SEMA3C: variants seen among roughly 807,000 people sequenced by gnomAD.
SEMA3C encodes the protein semaphorin 3C, also known as semaphorin-3C.
A neutral mutation model predicts 89.4 loss-of-function variants in SEMA3C; 47 were observed. The observed-to-expected ratio is 0.53, with a 90% CI of 0.42 to 0.67. The LOEUF (loss-of-function observed/expected upper bound fraction) is 0.67. Among genes scored for constraint, SEMA3C ranks in the 30% least tolerant of loss-of-function variants. SEMA3C has a pLI of 0.00. For synonymous variants in SEMA3C, 310 were observed against 320.2 expected (o/e 0.97, Z 0.34); for missense variants, 839 against 929.1 (o/e 0.90, Z 1.26).
chr7:80,892,456 G>C (rs1386014202), intron 2 of SEMA3C, among the ~76,000 whole-genome samples: 1 of 151,954 alleles, frequency 6.6e-6, no homozygotes. Flanking sequence ...TGATTAAGTT[G>C]TGTGTATATT....
chr7:80,912,427 AAC>A (rs1439544336), intron 2 of SEMA3C, among the ~76,000 whole-genome samples: 1 of 152,188 alleles, frequency 6.6e-6, no homozygotes, highest in Non-Finnish European at 1.5e-5. Flanking sequence ...TGTATTTTAT[AAC>A]AGTTTTTACC....
At chr7:80,896,621 T>C (rs73374877) in intron 2 of SEMA3C, among the ~76,000 whole-genome samples, 3 of 152,196 alleles carry the variant, frequency 2.0e-5, no homozygotes, top group African/African-American at 4.8e-5. Flanking sequence ...TCAGGTGGAA[T>C]AGGCTGTTTA....
intron 9 of SEMA3C, among the ~76,000 whole-genome samples, chr7:80,802,435 T>C (rs955954874): frequency 1.3e-5 from 2 of 152,152 alleles, no homozygotes; most frequent in Non-Finnish European, 2.9e-5. Flanking sequence ...CATTCATTCA[T>C]ATATTATGGT....
intron 15 of SEMA3C, among the ~76,000 whole-genome samples, chr7:80,752,429 G>A (rs1787956996): frequency 6.6e-6 from 1 of 152,030 alleles, no homozygotes; most frequent in Non-Finnish European, 1.5e-5. Context: ...GGCCAACACA[G>A]TAAAACCCCG....
intron 2 of SEMA3C, among the ~76,000 whole-genome samples, chr7:80,868,131 T>C (rs1047647666): frequency 6.6e-6 from 1 of 152,184 alleles, no homozygotes; most frequent in Non-Finnish European, 1.5e-5. Flanking sequence ...TAAGCAGGGA[T>C]TGCTGACTTC....
chr7:80,830,537 TACA>T (rs1157919098), intron 2 of SEMA3C, among the ~76,000 whole-genome samples: 1 of 152,156 alleles, frequency 6.6e-6, no homozygotes, highest in Admixed American at 6.6e-5. Context: ...TTACTGTTCA[TACA>T]ACAATAGTAA....
At chr7:80,761,522 A>G in intron 14 of SEMA3C, 94 bp downstream of exon 14, 1 of 683,744 alleles carries the variant, frequency 1.5e-6, no homozygotes, top group Non-Finnish European at 2.4e-6. Context: ...TTTTGTTAGT[A>G]CGATAACTAA....
rs1219933640 is a variant in SEMA3C at position 80,798,016 on chromosome 7, A to G, written c.1131+76T>C. On this transcript the variant is annotated intron_variant, in intron 11 of 17. Transcript: ENST00000265361. The stretch of plus-strand genomic sequence containing the variant: ...CCGTCTCAAAAAAAAACCCCAAAAA[A>G]CCCCACAGATATTCATTACCTGTTA... 3 of 1,452,168 alleles carry G rather than the reference A, an allele frequency of 2.1e-6. No homozygotes were observed. In the African/African-American group the frequency reaches 4.5e-5, roughly 22 times the overall value. The allele number at this position is 1,452,168 out of a possible 1,614,324, so 90.0% of individuals were successfully genotyped here.
At chr7:80,903,829 AC>A (rs1335143908) in intron 2 of SEMA3C, among the ~76,000 whole-genome samples, 1 of 152,092 alleles carries the variant, frequency 6.6e-6, no homozygotes, top group African/African-American at 2.4e-5. Flanking sequence ...AAGAGCCAGA[AC>A]CTGTTCCCAC....
intron 2 of SEMA3C, among the ~76,000 whole-genome samples, chr7:80,902,713 G>A (rs1343314084): frequency 6.6e-6 from 1 of 152,012 alleles, no homozygotes; most frequent in Non-Finnish European, 1.5e-5. Flanking sequence ...ATAATAGCAG[G>A]GGCAGTCTTG....
At chr7:80,908,604 C>T (rs1453039228) in intron 2 of SEMA3C, among the ~76,000 whole-genome samples, 1 of 152,222 alleles carries the variant, frequency 6.6e-6, no homozygotes, top group Admixed American at 6.5e-5. Context: ...CTTATTGATG[C>T]TTTACATATT....
chr7:80,788,475 C>G (rs1162007213), intron 12 of SEMA3C, among the ~76,000 whole-genome samples: 1 of 152,108 alleles, frequency 6.6e-6, no homozygotes, highest in African/African-American at 2.4e-5. Flanking sequence ...GGTTTCATCC[C>G]TAGAATTTTG....
intron 2 of SEMA3C, among the ~76,000 whole-genome samples, chr7:80,877,897 G>A (rs960064108): frequency 6.6e-6 from 1 of 152,114 alleles, no homozygotes; most frequent in African/African-American, 2.4e-5. Context: ...CTCCTCCCAG[G>A]TGATTCCACA....
At chr7:80,761,528 A>G (rs775096564) in intron 14 of SEMA3C, 88 bp downstream of exon 14, 41 of 722,464 alleles carry the variant, frequency 5.7e-5, no homozygotes, top group Non-Finnish European at 8.1e-5. Flanking sequence ...TAGTACGATA[A>G]CTAATTATTC....
chr7:80,807,049 A>G (rs1789358181), intron 6 of SEMA3C, among the ~76,000 whole-genome samples: 1 of 151,892 alleles, frequency 6.6e-6, no homozygotes, highest in African/African-American at 2.4e-5. Flanking sequence ...TTATAGGGAG[A>G]TAACAAAAAT....
intron 2 of SEMA3C, among the ~76,000 whole-genome samples, chr7:80,896,551 G>A (rs1184337047): frequency 6.6e-6 from 1 of 152,178 alleles, no homozygotes; most frequent in African/African-American, 2.4e-5. Context: ...AGATAACGTA[G>A]AAAGGGAAAC....
At chr7:80,874,075 C>A (rs1376983979) in intron 2 of SEMA3C, among the ~76,000 whole-genome samples, 1 of 152,148 alleles carries the variant, frequency 6.6e-6, no homozygotes, top group Non-Finnish European at 1.5e-5. Context: ...TGGCCTGAGG[C>A]ATTTACTGTA....
At position 80,742,794 on chromosome 7, in the gene SEMA3C, C is replaced by T. The variant is rs1056330307; in HGVS notation, c.*2100G>A. 6.6e-6 allele frequency: 1 copy of T among 151,770 alleles called. No homozygotes were observed. The highest frequency in any genetic ancestry group is 1.5e-5 in the Non-Finnish European group (1 of 67,798). The allele number at this position is 151,770 out of a possible 1,614,324, so 9.4% of individuals were successfully genotyped here. A position where few individuals can be genotyped will look rare whatever the true frequency, so the allele number is the denominator to read the frequency against. ...TCAAGCTACATAAAATAAAACCAAT[C>T]AACCACCAGTAGTATACATTAACAG... On this transcript the variant is annotated 3_prime_UTR_variant, in exon 18 of 18. Transcript: ENST00000265361.
At chr7:80,822,534 T>C (rs1486462454) in intron 4 of SEMA3C, among the ~76,000 whole-genome samples, 1 of 152,076 alleles carries the variant, frequency 6.6e-6, no homozygotes, top group Non-Finnish European at 1.5e-5. Flanking sequence ...TAATTACAGT[T>C]GGTCTGCCAT....
Sources: gnomAD v4.1 joint callset for allele counts (sites outside exome capture counted in the v4.1 genomes callset) on GRCh38, gnomAD v4.1.1 for gene constraint, MANE v1.5 for transcripts, NCBI Gene and HGNC (gene_info 2026-07-23, HGNC 2026-07-21) for gene names.